The following RABGAP1L variants were observed in gnomAD, a reference collection of about 807,000 sequenced individuals.
RABGAP1L encodes rab GTPase-activating protein 1-like.
A neutral mutation model predicts 137.7 loss-of-function variants in RABGAP1L; 63 were observed. The observed-to-expected ratio is 0.46, with a 90% confidence interval of 0.37 to 0.56. The LOEUF (loss-of-function observed/expected upper bound fraction) is 0.56, where lower values mean the gene tolerates loss of function less well. Ranked by LOEUF, RABGAP1L falls within the 20% of genes least tolerant of loss-of-function variation. The probability of loss-of-function intolerance (pLI) is 0.00; values close to 1 mark genes in which losing one functional copy is unlikely to be tolerated. For missense variants in RABGAP1L, 1,095 were observed against 1,244.0 expected (o/e 0.88, Z 1.80); for synonymous variants, 431 against 433.7 (o/e 0.99, Z 0.08).
intron 13 of RABGAP1L, among the ~76,000 whole-genome samples, chr1:174,609,885 A>T (rs1461792879): frequency 6.6e-6 from 1 of 152,074 alleles, no homozygotes; most frequent in Admixed American, 6.6e-5. Flanking sequence ...ACAGTTTTTT[A>T]AATTATTTTG....
chr1:174,306,446 C>T (rs1022612111), intron 11 of RABGAP1L, among the ~76,000 whole-genome samples: 18 of 152,052 alleles, frequency 1.2e-4, no homozygotes, highest in South Asian at 2.1e-4. Context: ...GACTTTTTAA[C>T]GATCGCCATT....
At chr1:174,729,988 C>G (rs111843745) in intron 17 of RABGAP1L, among the ~76,000 whole-genome samples, 13,753 of 152,026 alleles carry the variant, frequency 0.09, 850 homozygotes, top group East Asian at 0.22. Flanking sequence ...TAAAAGAAAA[C>G]AAATAAAAAG....
rs571088888 is a variant in RABGAP1L at position 174,896,452 on chromosome 1, C to T, written c.2341-61005C>T. 4.6e-5 allele frequency among the ~76,000 whole-genome samples: 7 copies of T among 152,264 alleles called. No individual in the cohort carries two copies. The East Asian group carries it at 1.4e-3, about 29-fold the overall frequency. On this transcript the variant is annotated intron_variant, in intron 19 of 25. Transcript: ENST00000681986. The stretch of plus-strand genomic sequence containing the variant: ...GAAGCTCTTTAGTTTAATTAGATCC[C>T]ATTTGTCAATTTTGGCTTTTGTTGC...
intron 5 of RABGAP1L, among the ~76,000 whole-genome samples, chr1:174,246,524 A>G (rs1231477235): frequency 6.6e-6 from 1 of 152,202 alleles, no homozygotes; most frequent in Non-Finnish European, 1.5e-5. Context: ...ATAAAAATGT[A>G]TGGTTTCATC....
At chr1:174,590,134 T>A (rs1335164427) in intron 13 of RABGAP1L, among the ~76,000 whole-genome samples, 2 of 131,802 alleles carry the variant, frequency 1.5e-5, no homozygotes, top group South Asian at 4.5e-4. Flanking sequence ...TTTTTTTTTT[T>A]TTTTTTTTTT....
At chr1:174,866,110 G>GGGGA (rs1157913092) in intron 19 of RABGAP1L, among the ~76,000 whole-genome samples, 34 of 65,818 alleles carry the variant, frequency 5.2e-4, no homozygotes, top group African/African-American at 1.8e-3. Flanking sequence ...GGAGGGAGGG[G>GGGGA]GAGAGAGAGA....
At chr1:174,550,670 G>C (rs1666362563) in intron 13 of RABGAP1L, among the ~76,000 whole-genome samples, 1 of 151,208 alleles carries the variant, frequency 6.6e-6, no homozygotes, top group Non-Finnish European at 1.5e-5. Context: ...AGTCAGCAAG[G>C]ATATAAAAGA....
intron 15 of RABGAP1L, among the ~76,000 whole-genome samples, chr1:174,688,482 CT>C (rs1227783771): frequency 6.6e-6 from 1 of 152,026 alleles, no homozygotes; most frequent in East Asian, 1.9e-4. Flanking sequence ...AAAACTATGA[CT>C]AGGTACAATT....
chr1:174,511,421 GAA>G (rs1662326710), intron 13 of RABGAP1L, among the ~76,000 whole-genome samples: 1 of 152,060 alleles, frequency 6.6e-6, no homozygotes, highest in Non-Finnish European at 1.5e-5. Context: ...TAAGAAGCAT[GAA>G]TTTAGAACAC....
intron 13 of RABGAP1L, among the ~76,000 whole-genome samples, chr1:174,517,535 C>G (rs771948825): frequency 1.2e-4 from 18 of 152,110 alleles, no homozygotes; most frequent in Non-Finnish European, 1.9e-4. Flanking sequence ...TAAAAAATGC[C>G]TGTATCCATA....
intron 11 of RABGAP1L, among the ~76,000 whole-genome samples, chr1:174,358,625 T>A (rs913489781): frequency 3.9e-5 from 6 of 152,240 alleles, no homozygotes; most frequent in Admixed American, 2.0e-4. Context: ...TGTTTTACTT[T>A]GAGCATCTCA....
intron 10 of RABGAP1L, among the ~76,000 whole-genome samples, chr1:174,279,619 A>G (rs1571893100): frequency 6.6e-6 from 1 of 152,130 alleles, no homozygotes; most frequent in East Asian, 1.9e-4. Flanking sequence ...TTTATATACT[A>G]TGTACTTGGA....
At chr1:174,604,967 C>G (rs952238133) in intron 13 of RABGAP1L, among the ~76,000 whole-genome samples, 5 of 152,030 alleles carry the variant, frequency 3.3e-5, no homozygotes, top group African/African-American at 1.2e-4. Context: ...ATTGTGAAAC[C>G]CACTCTCTAC....
intron 1 of RABGAP1L, among the ~76,000 whole-genome samples, chr1:174,174,220 AC>A (rs1665651722): frequency 1.3e-5 from 2 of 149,258 alleles, no homozygotes; most frequent in Non-Finnish European, 2.9e-5. Flanking sequence ...ACACACACAC[AC>A]ACACACACAC....
Position 174,813,466 on chromosome 1 carries a change from C to T in RABGAP1L, c.2340+1506C>T, listed in dbSNP as rs182772960. On this transcript the variant is annotated intron_variant, in intron 19 of 25. Transcript: ENST00000681986. ...CTTTGACACAGACTTCTTTTAGGCA[C>T]CAGAGCCACTGTAACATTTTTTGGT... Among the ~76,000 whole-genome samples, 53 of 152,174 alleles carry T rather than the reference C, an allele frequency of 3.5e-4. 1 individual carries two copies. The East Asian group carries it at 8.7e-3, about 25-fold the overall frequency.
At chr1:174,833,673 C>G (rs1692422738) in intron 19 of RABGAP1L, among the ~76,000 whole-genome samples, 1 of 151,320 alleles carries the variant, frequency 6.6e-6, no homozygotes, top group African/African-American at 2.4e-5. Context: ...TATGTACCCA[C>G]TAGGTCCTAG....
intron 7 of RABGAP1L, among the ~76,000 whole-genome samples, chr1:174,256,200 G>A (rs1281356780): frequency 3.3e-5 from 5 of 152,220 alleles, no homozygotes; most frequent in Middle Eastern, 6.8e-3. Flanking sequence ...AGACTTGGAC[G>A]TTTTTGGAGA....
intron 19 of RABGAP1L, among the ~76,000 whole-genome samples, chr1:174,912,695 A>G (rs1261101732): frequency 6.6e-6 from 1 of 152,222 alleles, no homozygotes; most frequent in Non-Finnish European, 1.5e-5. Flanking sequence ...GATTCATTTA[A>G]CAGTAAAATT....
At chr1:174,717,072 G>T (rs552485160) in intron 17 of RABGAP1L, among the ~76,000 whole-genome samples, 1 of 152,048 alleles carries the variant, frequency 6.6e-6, no homozygotes, top group Non-Finnish European at 1.5e-5. Flanking sequence ...TATCATCTCT[G>T]TTACCTTGCA....
Sources: allele counts gnomAD v4.1 joint callset (sites outside exome capture counted in the v4.1 genomes callset), GRCh38; gene constraint gnomAD v4.1.1; transcripts MANE v1.5; gene names NCBI Gene and HGNC (gene_info 2026-07-23, HGNC 2026-07-21).